Variants in SLC13A3 observed in about 807,000 individuals in gnomAD.
SLC13A3 encodes Na(+)/dicarboxylate cotransporter 3.
SLC13A3 carries 40 observed loss-of-function variants against 59.0 expected under a neutral mutation model. The observed-to-expected ratio is 0.68, with a 90% CI of 0.53 to 0.88. The LOEUF is 0.88. Ranked by LOEUF, SLC13A3 falls within the 40% of genes least tolerant of loss-of-function variation. SLC13A3 has a pLI of 0.00. For missense variants in SLC13A3, 699 were observed against 783.2 expected, an observed-to-expected ratio of 0.89 and a Z score of 1.28; for synonymous variants, 317 against 330.3, an observed-to-expected ratio of 0.96 and a Z score of 0.44.
At chr20:46,587,693 A>T (rs1232314352) in intron 8 of SLC13A3, among the ~76,000 whole-genome samples, 1 of 152,146 alleles carries the variant, frequency 6.6e-6, no homozygotes. Context: ...TTGTCTAACT[A>T]CTTGCTTTTG....
Position 46,561,033 on chromosome 20 carries a change from A to G in SLC13A3, c.1633-835T>C, listed in dbSNP as rs373240970. 6.6e-5 allele frequency among the ~76,000 whole-genome samples: 10 copies of G among 152,310 alleles called. No individual in the cohort carries two copies. The East Asian group carries it at 7.7e-4, about 12-fold the overall frequency. The stretch of plus-strand genomic sequence containing the variant: ...ATTACTAAGCTAAAGAGAAAAGTCA[A>G]ACTGGGAACTACTTAGGGCCAACCT... On this transcript the variant is annotated intron_variant, in intron 12 of 12. Transcript: ENST00000279027.
At chr20:46,608,405 A>G (rs893331609) in intron 3 of SLC13A3, among the ~76,000 whole-genome samples, 1 of 152,172 alleles carries the variant, frequency 6.6e-6, no homozygotes, top group African/African-American at 2.4e-5. Flanking sequence ...GTGGCCCACA[A>G]AGCCTGCAGT....
intron 1 of SLC13A3, among the ~76,000 whole-genome samples, chr20:46,662,532 C>T (rs1006959017): frequency 7.9e-5 from 12 of 152,134 alleles, no homozygotes; most frequent in East Asian, 1.9e-4. Flanking sequence ...ATATAGCAGA[C>T]GAAAACGATA....
chr20:46,672,927 C>T (rs936641124), upstream of SLC13A3, among the ~76,000 whole-genome samples: 2 of 152,036 alleles, frequency 1.3e-5, no homozygotes, highest in Admixed American at 6.5e-5. Flanking sequence ...CTCGATGCCA[C>T]GGAGAACAGA....
chr20:46,662,583 T>G (rs2063037822), intron 1 of SLC13A3, among the ~76,000 whole-genome samples: 1 of 152,294 alleles, frequency 6.6e-6, no homozygotes, highest in South Asian at 2.1e-4. Context: ...CAGGGAAAGG[T>G]TATATTACAA....
In SLC13A3 at chr20:46,588,137, A is replaced by C. The variant is rs1311209781; in HGVS notation, c.1043T>G (p.Leu348Arg). The C allele has an allele frequency of 3.1e-6, 5 of 1,612,762 alleles. No individual in the cohort carries two copies. Among genetic ancestry groups the C allele is most frequent in the Non-Finnish European group, 4.2e-6 (5 of 1,179,220 alleles). ...IKFAEQAVFI[L>R]FCMFAILLFT... ...GAGGAGGATGGCAAACATGCAGAAA[A>C]GGATGAAAACAGCCTGTTCGGCAAA... The change falls in exon 8 of 13, where the codon CTT becomes CGT. Residue 348 changes from leucine to arginine, a missense_variant. By Grantham distance (102) the Leu-to-Arg change is moderately radical. Coordinates refer to ENST00000279027, the MANE Select transcript of SLC13A3 (RefSeq NM_022829.6).
At chr20:46,609,404 G>A (rs1233212903) in intron 3 of SLC13A3, among the ~76,000 whole-genome samples, 1 of 152,094 alleles carries the variant, frequency 6.6e-6, no homozygotes, top group Non-Finnish European at 1.5e-5. Flanking sequence ...GAGGATTGAG[G>A]GAATCAAATC....
chr20:46,577,498 G>A (rs568837499), intron 9 of SLC13A3, among the ~76,000 whole-genome samples: 1 of 152,302 alleles, frequency 6.6e-6, no homozygotes, highest in Non-Finnish European at 1.5e-5. Context: ...AAAAAGTGAA[G>A]CGACTTGCCC....
intron 1 of SLC13A3, among the ~76,000 whole-genome samples, chr20:46,631,696 C>A (rs1436963055): frequency 2.0e-5 from 3 of 152,138 alleles, no homozygotes; most frequent in African/African-American, 7.2e-5. Flanking sequence ...ATAATCCCCC[C>A]ACCAAAGAAA....
At chr20:46,659,091 C>CT (rs1490248281) in intron 1 of SLC13A3, among the ~76,000 whole-genome samples, 1 of 152,020 alleles carries the variant, frequency 6.6e-6, no homozygotes, top group Non-Finnish European at 1.5e-5. Context: ...ATGAACTCTG[C>CT]TTTTTTATCT....
chr20:46,670,319 T>C (rs948070726), upstream of SLC13A3, among the ~76,000 whole-genome samples: 20 of 152,200 alleles, frequency 1.3e-4, no homozygotes, highest in African/African-American at 4.6e-4. Context: ...TCCTGACTCA[T>C]GGCTTGAGCT....
Position 46,573,377 on chromosome 20 carries a change from G to A in SLC13A3, c.1332+2196C>T, listed in dbSNP as rs553726118. 1.8e-3 allele frequency among the ~76,000 whole-genome samples: 275 copies of A among 152,230 alleles called. 2 individuals carry two copies. Among genetic ancestry groups the A allele is most frequent in the African/African-American group, 6.3e-3 (260 of 41,534 alleles). The stretch of plus-strand genomic sequence containing the variant: ...AGGGCCTGGCTATCTCTGATTACTC[G>A]GACTGCCTCTAAAGGTCATCTCAGC... On this transcript the variant is annotated intron_variant, in intron 10 of 12. Transcript: ENST00000279027.
At chr20:46,653,506 A>AAAAC (rs757751860), upstream of SLC13A3, among the ~76,000 whole-genome samples, 7 of 152,168 alleles carry the variant, frequency 4.6e-5, no homozygotes, top group Admixed American at 1.3e-4. Flanking sequence ...CTAAAAGCTT[A>AAAAC]AAACAAACAA....
chr20:46,582,788 C>T, intron 9 of SLC13A3: 1 of 985,394 alleles, frequency 1.0e-6, no homozygotes, highest in Non-Finnish European at 1.2e-6. Context: ...TATTTCCTGA[C>T]TCCGGAGGAG....
At chr20:46,628,376 T>G (rs1243004142) in intron 1 of SLC13A3, among the ~76,000 whole-genome samples, 1 of 151,966 alleles carries the variant, frequency 6.6e-6, no homozygotes, top group Non-Finnish European at 1.5e-5. Context: ...CAGCTTCGGG[T>G]AAAACATTGC....
chr20:46,598,667 G>A (rs973984608), intron 4 of SLC13A3, among the ~76,000 whole-genome samples: 7 of 152,202 alleles, frequency 4.6e-5, no homozygotes, highest in African/African-American at 1.4e-4. Flanking sequence ...AGCACAGGCT[G>A]TGGGATGAAA....
chr20:46,656,563 T>C (rs1298811493), intron 1 of SLC13A3, among the ~76,000 whole-genome samples: 3 of 146,808 alleles, frequency 2.0e-5, no homozygotes, highest in Admixed American at 6.9e-5. Context: ...CTGTATATGA[T>C]ATATACTATA....
intron 1 of SLC13A3, among the ~76,000 whole-genome samples, chr20:46,617,094 G>T (rs925648489): frequency 2.0e-5 from 3 of 152,168 alleles, no homozygotes; most frequent in African/African-American, 7.2e-5. Context: ...AGGAGAGCAG[G>T]GATTGTGTTC....
At chr20:46,567,719 A>G (rs2061992971) in intron 10 of SLC13A3, among the ~76,000 whole-genome samples, 2 of 152,104 alleles carry the variant, frequency 1.3e-5, no homozygotes, top group African/African-American at 2.4e-5. Flanking sequence ...ACCAGTGTAT[A>G]ACATCTAGAA....
Sources: gnomAD v4.1 joint callset for allele counts (sites outside exome capture counted in the v4.1 genomes callset) on GRCh38, gnomAD v4.1.1 for gene constraint, MANE v1.5 for transcripts, NCBI Gene and HGNC (gene_info 2026-07-23, HGNC 2026-07-21) for gene names.